The following ELMO1 variants were observed in gnomAD, a reference collection of about 807,000 sequenced individuals.
ELMO1 encodes engulfment and cell motility 1, also known as engulfment and cell motility protein 1.
In ELMO1, 26 loss-of-function variants were observed where a neutral mutation model predicts 98.9. The observed-to-expected ratio is 0.26, with a 90% CI of 0.19 to 0.36. The LOEUF (loss-of-function observed/expected upper bound fraction) is 0.36. Among genes scored for constraint, ELMO1 ranks in the 10% least tolerant of loss-of-function variants. The pLI, the probability that ELMO1 is intolerant of heterozygous loss-of-function variation, is 1.00. For missense variants in ELMO1, 627 were observed against 935.2 expected, an observed-to-expected ratio of 0.67 and a Z score of 4.30; for synonymous variants, 346 against 346.0, an observed-to-expected ratio of 1.00 and a Z score of 0.00.
At chr7:37,000,517 C>T (rs1792581487) in intron 16 of ELMO1, among the ~76,000 whole-genome samples, 1 of 152,190 alleles carries the variant, frequency 6.6e-6, no homozygotes, top group Non-Finnish European at 1.5e-5. Flanking sequence ...TTATGACATT[C>T]TAAGGGGGAT....
rs10255172 is a variant in ELMO1, at chr7:37,403,800, C to T, written c.-74+44875G>A. Among the ~76,000 whole-genome samples the T allele has an allele frequency of 5.2e-3, 793 of 152,290 alleles. 5 individuals are homozygous for T. Among genetic ancestry groups the T allele is most frequent in the African/African-American group, 0.018 (756 of 41,554 alleles). On this transcript the variant is annotated intron_variant, in intron 1 of 21. Coordinates refer to ENST00000310758, the MANE Select transcript of ELMO1 (RefSeq NM_014800.11). ...GCCTCAAGTGATCCTCTCACCTCAGCCTCCCAAAGTGCTGGGATTACGGGC... is the reference window on the plus strand; with the variant it reads ...GCCTCAAGTGATCCTCTCACCTCAGTCTCCCAAAGTGCTGGGATTACGGGC...
chr7:36,853,666 T>C lies in ELMO1; in HGVS notation c.*1885A>G, dbSNP rs537965564. Among the ~76,000 whole-genome samples, 1 of 152,334 alleles carries C rather than the reference T, an allele frequency of 6.6e-6. No individual in the cohort carries two copies. The highest frequency in any genetic ancestry group is 1.9e-4 in the East Asian group (1 of 5,174). ...GCATGCAGTGCTCTGGACCATATCA[T>C]CTCAACCCAGGTCAATCTGTAATTG... On this transcript the variant is annotated 3_prime_UTR_variant, in exon 22 of 22. Coordinates refer to ENST00000310758, the MANE Select transcript of ELMO1 (RefSeq NM_014800.11).
chr7:37,389,419 T>A (rs1583670351), intron 1 of ELMO1, among the ~76,000 whole-genome samples: 1 of 152,256 alleles, frequency 6.6e-6, no homozygotes, highest in Admixed American at 6.5e-5. Flanking sequence ...GTAATGTTTT[T>A]AAAAGTCTAT....
intron 13 of ELMO1, among the ~76,000 whole-genome samples, chr7:37,173,033 T>C (rs192048962): frequency 1.6e-4 from 24 of 152,310 alleles, no homozygotes; most frequent in African/African-American, 5.5e-4. Flanking sequence ...AACCTTCTGT[T>C]ATAGTAAACA....
chr7:37,420,954 T>C, intron 1 of ELMO1, among the ~76,000 whole-genome samples: 1 of 152,236 alleles, frequency 6.6e-6, no homozygotes, highest in East Asian at 1.9e-4. Flanking sequence ...ACACCAAGTC[T>C]ACACACTTGT....
At chr7:37,005,053 G>A (rs984994784) in intron 16 of ELMO1, among the ~76,000 whole-genome samples, 2 of 138,944 alleles carry the variant, frequency 1.4e-5, no homozygotes, top group African/African-American at 5.4e-5. Flanking sequence ...AGGTTGCGGT[G>A]AGCCGAGATC....
intron 1 of ELMO1, among the ~76,000 whole-genome samples, chr7:37,371,835 T>C (rs754956968): frequency 3.3e-5 from 5 of 152,234 alleles, no homozygotes; most frequent in Non-Finnish European, 7.3e-5. Flanking sequence ...ACTCCCCTGA[T>C]GAGTTGCGAA....
At chr7:36,885,670 ACT>A (rs895069084) in intron 18 of ELMO1, among the ~76,000 whole-genome samples, 4 of 151,910 alleles carry the variant, frequency 2.6e-5, no homozygotes, top group Non-Finnish European at 4.4e-5. Context: ...CATACAACCG[ACT>A]CTCTGACTAA....
At chr7:37,321,839 G>C (rs965897119) in intron 2 of ELMO1, among the ~76,000 whole-genome samples, 1 of 144,160 alleles carries the variant, frequency 6.9e-6, no homozygotes, top group Non-Finnish European at 1.5e-5. Flanking sequence ...AACCCAAAAG[G>C]AACTAAAAAG....
chr7:36,994,334 T>A (rs189799254), intron 16 of ELMO1, among the ~76,000 whole-genome samples: 31 of 152,352 alleles, frequency 2.0e-4, no homozygotes, highest in Non-Finnish European at 3.7e-4. Context: ...ATACAATATA[T>A]GTGCTATGGC....
intron 1 of ELMO1, among the ~76,000 whole-genome samples, chr7:37,380,750 T>C (rs542825192): frequency 5.8e-4 from 88 of 152,352 alleles, no homozygotes; most frequent in Admixed American, 1.2e-3. Context: ...TTTATGTGTG[T>C]TTCTATTTAA....
At chr7:37,397,202 A>G (rs980115462) in intron 1 of ELMO1, among the ~76,000 whole-genome samples, 1 of 152,236 alleles carries the variant, frequency 6.6e-6, no homozygotes, top group African/African-American at 2.4e-5. Context: ...TAAGACCCAC[A>G]AAAAACTTAA....
intron 16 of ELMO1, among the ~76,000 whole-genome samples, chr7:36,997,069 G>C (rs1215433028): frequency 6.6e-6 from 1 of 152,122 alleles, no homozygotes. Context: ...CTTGGGTCAA[G>C]TCCAGATTTA....
chr7:37,335,935 C>T (rs986158069), intron 2 of ELMO1, among the ~76,000 whole-genome samples: 4 of 152,096 alleles, frequency 2.6e-5, no homozygotes, highest in Admixed American at 1.3e-4. Context: ...ATAAAGAACG[C>T]ATCTAGGCAG....
At chr7:37,019,355 T>C (rs944691483) in intron 15 of ELMO1, among the ~76,000 whole-genome samples, 5 of 152,220 alleles carry the variant, frequency 3.3e-5, no homozygotes, top group African/African-American at 1.2e-4. Context: ...TCTTGACAGG[T>C]AACAAAAGAA....
chr7:36,899,445 G>A (rs1806309771), intron 16 of ELMO1, among the ~76,000 whole-genome samples: 1 of 152,090 alleles, frequency 6.6e-6, no homozygotes, highest in Admixed American at 6.5e-5. Context: ...TAAGCAGAAG[G>A]AGCAGCATGA....
At chr7:37,405,603 C>T (rs543041033) in intron 1 of ELMO1, among the ~76,000 whole-genome samples, 17 of 152,228 alleles carry the variant, frequency 1.1e-4, no homozygotes, top group Non-Finnish European at 1.8e-4. Flanking sequence ...TCTGTGTGCA[C>T]GGGACACTGA....
rs149518802 is a variant in ELMO1, at chr7:37,154,897, T to C, written c.1087-21663A>G. On this transcript the variant is annotated intron_variant, in intron 13 of 21. Transcript: ENST00000310758. ...AAGGTTGAAAGGAAGGAAAAAATGTTAAGGGCAGCCAGAGAGAAAGGTCAA... is the reference window on the plus strand; with the variant it reads ...AAGGTTGAAAGGAAGGAAAAAATGTCAAGGGCAGCCAGAGAGAAAGGTCAA... Among the ~76,000 whole-genome samples, 159 of 152,264 alleles carry C rather than the reference T, an allele frequency of 1.0e-3. 1 individual carries two copies. The highest frequency in any genetic ancestry group is 0.01 in the Middle Eastern group (3 of 294).
At chr7:36,907,635 C>G (rs2129063100) in intron 16 of ELMO1, among the ~76,000 whole-genome samples, 2 of 152,320 alleles carry the variant, frequency 1.3e-5, no homozygotes, top group Middle Eastern at 6.8e-3. Flanking sequence ...GCTGTGAAGC[C>G]AGTTATTGCA....
Sources: gnomAD v4.1 joint callset for allele counts (sites outside exome capture counted in the v4.1 genomes callset) on GRCh38, gnomAD v4.1.1 for gene constraint, MANE v1.5 for transcripts, NCBI Gene and HGNC (gene_info 2026-07-23, HGNC 2026-07-21) for gene names.